PABPC4: variants seen among roughly 807,000 people sequenced by gnomAD.
The protein encoded by PABPC4 is polyadenylate-binding protein 4.
PABPC4 carries 15 observed loss-of-function variants against 74.5 expected under a neutral mutation model. That is an observed-to-expected ratio of 0.20 (90% CI 0.13 to 0.31). The LOEUF is 0.31. Ranked by LOEUF, PABPC4 falls within the 10% of genes least tolerant of loss-of-function variation. PABPC4 has a pLI of 1.00. For synonymous variants in PABPC4, 345 were observed against 303.0 expected (o/e 1.14, Z -1.44); for missense variants, 610 against 853.5 (o/e 0.71, Z 3.55).
rs746689900 is a variant in PABPC4 at position 39,571,282 on chromosome 1, T to C, written c.455A>G (p.Asp152Gly). ...GCCATTCATCTTCTCGATGGCCTTG[T>C]CGGCAGCCTCTTGGGTCTCGAAGTG... is the stretch of plus-strand genomic sequence containing the variant. ...FVHFETQEAADKAIEKMNGML... is the reference protein window; with the variant it reads ...FVHFETQEAAGKAIEKMNGML... The change falls in exon 3 of 16, where the codon GAC becomes GGC. Residue 152 changes from aspartate (D) to glycine (G), a missense_variant. By Grantham distance (94) the Asp-to-Gly change is moderately conservative. Coordinates refer to ENST00000372858, the MANE Select transcript of PABPC4 (RefSeq NM_001135653.2). The C allele has an allele frequency of 6.2e-7, 1 of 1,614,218 alleles. No individual in the cohort carries two copies. The highest frequency in any genetic ancestry group is 1.1e-5 in the South Asian group (1 of 91,084).
intron 5 of PABPC4, 46 bp downstream of exon 5, chr1:39,569,549 G>A: frequency 6.9e-7 from 1 of 1,448,954 alleles, no homozygotes; most frequent in Non-Finnish European, 9.7e-7. Context: ...CCCATACTCT[G>A]GGGCAACCTC....
chr1:39,561,811 A>C, intron 14 of PABPC4, 24 bp from the exon 15 acceptor site: 1 of 1,599,354 alleles, frequency 6.3e-7, no homozygotes, highest in Non-Finnish European at 8.6e-7. Flanking sequence ...TCAGGTGGTC[A>C]GTGAATCTAG....
chr1:39,563,756 A>G lies in PABPC4; in HGVS notation c.1541-15T>C. The G allele has an allele frequency of 6.2e-7, 1 of 1,613,898 alleles. No homozygotes were observed. The highest frequency in any genetic ancestry group is 8.5e-7 in the Non-Finnish European group (1 of 1,179,782). ...TGTGGGAACGCCTTAGGGAAAGAAC[A>G]AATACAATTAAAGCCCATCAGTCTG... On this transcript the variant is annotated splice_polypyrimidine_tract_variant and intron_variant, in intron 11 of 15. Coordinates refer to ENST00000372858, the MANE Select transcript of PABPC4 (RefSeq NM_001135653.2).
At chr1:39,569,083 AC>A in intron 5 of PABPC4, 144 bp from the exon 6 acceptor site, 2 of 800,476 alleles carry the variant, frequency 2.5e-6, no homozygotes, top group Non-Finnish European at 3.9e-6. Flanking sequence ...ACAAATCCAA[AC>A]TTCCTCATCT....
At chr1:39,564,207 T>TA in intron 10 of PABPC4, 1 of 637,796 alleles carries the variant, frequency 1.6e-6, no homozygotes. Context: ...CTTTTTCACA[T>TA]AGGTCACCGA....
chr1:39,571,451 G>T, intron 2 of PABPC4, 102 bp from the exon 3 acceptor site: 1 of 1,359,452 alleles, frequency 7.4e-7, no homozygotes, highest in East Asian at 2.4e-5. Context: ...CCCATCCATG[G>T]CCAATGGTGG....
At chr1:39,562,011 A>G in intron 14 of PABPC4, 62 bp downstream of exon 14, 1 of 1,575,032 alleles carries the variant, frequency 6.3e-7, no homozygotes, top group Non-Finnish European at 8.6e-7. Context: ...CTGGGCATCC[A>G]AGTTTGCCCC....
In PABPC4 at chr1:39,569,843, G is replaced by A. The variant is rs138610125; in HGVS notation, c.643+20C>T. 4 of 1,613,182 alleles carry A rather than the reference G, an allele frequency of 2.5e-6. No homozygotes were observed. The highest frequency in any genetic ancestry group is 2.7e-5 in the African/African-American group (2 of 74,988). On this transcript the variant is annotated intron_variant, in intron 4 of 15. Coordinates refer to ENST00000372858, the MANE Select transcript of PABPC4 (RefSeq NM_001135653.2). The stretch of plus-strand genomic sequence containing the variant: ...ATGGGTCTGGTAGACTGTGAAAGGA[G>A]ACAAGGAACCCCAACTTACCAAACT...
chr1:39,566,977 T>C (rs1645854566), intron 7 of PABPC4, among the ~76,000 whole-genome samples: 1 of 150,770 alleles, frequency 6.6e-6, no homozygotes, highest in Non-Finnish European at 1.5e-5. Context: ...ACTAAGCCCT[T>C]ACCAGCCCAC....
intron 1 of PABPC4, among the ~76,000 whole-genome samples, chr1:39,572,863 T>C (rs1406678237): frequency 6.6e-6 from 1 of 152,214 alleles, no homozygotes; most frequent in African/African-American, 2.4e-5. Context: ...ATAATCTAAA[T>C]GGCCTTAATG....
chr1:39,561,388 T>G (rs1645767189), intron 15 of PABPC4: 1 of 373,014 alleles, frequency 2.7e-6, no homozygotes, highest in Admixed American at 3.9e-5. Flanking sequence ...ACACACCAGC[T>G]CTGGTCCTTA....
chr1:39,571,539 C>T (rs1408595015), intron 2 of PABPC4, 190 bp from the exon 3 acceptor site: 1 of 623,616 alleles, frequency 1.6e-6, no homozygotes, highest in East Asian at 2.8e-5. Context: ...ACAAAGGTAG[C>T]CCTACTAAGA....
intron 5 of PABPC4, 45 bp from the exon 6 acceptor site, chr1:39,568,984 G>A (rs1645894695): frequency 6.4e-7 from 1 of 1,573,992 alleles, no homozygotes; most frequent in African/African-American, 1.4e-5. Flanking sequence ...GCAGCGATGG[G>A]GTCTTATTCT....
At chr1:39,568,020 G>A in intron 6 of PABPC4, 174 bp from the exon 7 acceptor site, 2 of 492,104 alleles carry the variant, frequency 4.1e-6, no homozygotes, top group Non-Finnish European at 7.3e-6. Flanking sequence ...CACTTTGGGA[G>A]GCCGAGGCGG....
intron 10 of PABPC4, 190 bp from the exon 11 acceptor site, chr1:39,564,112 TAC>T (rs1645801147): frequency 3.2e-6 from 2 of 623,300 alleles, no homozygotes; most frequent in Non-Finnish European, 5.6e-6. Flanking sequence ...ATATTCTGTA[TAC>T]ACTGTTTCCT....
intron 7 of PABPC4, among the ~76,000 whole-genome samples, chr1:39,565,791 G>T (rs922908598): frequency 2.0e-5 from 3 of 152,044 alleles, no homozygotes; most frequent in African/African-American, 7.2e-5. Flanking sequence ...TCGCGCCACT[G>T]CACTCCAGCC....
chr1:39,561,876 C>T, intron 14 of PABPC4, 89 bp from the exon 15 acceptor site: 1 of 1,266,220 alleles, frequency 7.9e-7, no homozygotes, highest in Non-Finnish European at 1.1e-6. Flanking sequence ...CCAAAGCCAA[C>T]TGTACAGATG....
chr1:39,571,729 T>C, intron 2 of PABPC4: 1 of 410,640 alleles, frequency 2.4e-6, no homozygotes, highest in South Asian at 1.8e-5. Context: ...AAAAATTAAA[T>C]GAGTGTGGTG....
At chr1:39,570,507 C>T (rs1406737214) in intron 3 of PABPC4, 1 of 155,344 alleles carries the variant, frequency 6.4e-6, no homozygotes, top group African/African-American at 2.4e-5. Flanking sequence ...CCACTGCACA[C>T]ACAGACATTA....
Sources: allele counts gnomAD v4.1 joint callset (sites outside exome capture counted in the v4.1 genomes callset), GRCh38; gene constraint gnomAD v4.1.1; transcripts MANE v1.5; gene names NCBI Gene and HGNC (gene_info 2026-07-23, HGNC 2026-07-21).